IL2RA: variants seen among roughly 807,000 people sequenced by gnomAD.
IL2RA encodes interleukin 2 receptor subunit alpha, also known as interleukin-2 receptor subunit alpha.
IL2RA carries 24 observed loss-of-function variants against 37.8 expected under a neutral mutation model. The observed-to-expected ratio is 0.63, with a 90% confidence interval of 0.46 to 0.89. The LOEUF (loss-of-function observed/expected upper bound fraction) is 0.89, where lower values mean the gene tolerates loss of function less well. IL2RA is among the 40% of genes least tolerant of loss of function. IL2RA has a pLI of 0.00. For synonymous variants in IL2RA, 125 were observed against 114.6 expected, an observed-to-expected ratio of 1.09 and a Z score of -0.58; for missense variants, 319 against 348.6, an observed-to-expected ratio of 0.92 and a Z score of 0.68.
chr10:6,026,962 G>C (rs1839494052), intron 1 of IL2RA, among the ~76,000 whole-genome samples: 1 of 152,120 alleles, frequency 6.6e-6, no homozygotes. Context: ...ACTCTGCCCA[G>C]CACCTTGTCC....
chr10:6,050,362 C>T (rs566020940), intron 1 of IL2RA, among the ~76,000 whole-genome samples: 43 of 152,210 alleles, frequency 2.8e-4, no homozygotes, highest in Non-Finnish European at 5.6e-4. Flanking sequence ...GGTGGCAGGG[C>T]GTGGTGGCTC....
At position 6,046,919 on chromosome 10, in the gene IL2RA, C is replaced by G. The variant is rs950357618; in HGVS notation, c.64+15169G>C. Among the ~76,000 whole-genome samples the G allele has an allele frequency of 1.6e-4, 25 of 152,188 alleles. No homozygotes were observed. The highest frequency in any genetic ancestry group is 5.3e-4 in the African/African-American group (22 of 41,450). ...GCCACGTTTCCTAAGGACATGGGAA[C>G]TTAAGATGCAGGCAGGGATCCCATG... On this transcript the variant is annotated intron_variant, in intron 1 of 7. Coordinates refer to ENST00000379959, the MANE Select transcript of IL2RA (RefSeq NM_000417.3). This position sits in a 1 kb window ranked among gnomAD's most constrained non-coding sequence, Gnocchi z 4.8.
At chr10:6,059,543 T>G (rs1043650425) in intron 1 of IL2RA, among the ~76,000 whole-genome samples, 1 of 152,226 alleles carries the variant, frequency 6.6e-6, no homozygotes, top group African/African-American at 2.4e-5. Context: ...AGAATTCTCT[T>G]TCTGACCACA....
At position 6,062,347 on chromosome 10, in the gene IL2RA, G is replaced by A. The variant is rs2132912463; in HGVS notation, c.-196C>T. On this transcript the variant is annotated 5_prime_UTR_variant, in exon 1 of 8. Coordinates refer to ENST00000379959, the MANE Select transcript of IL2RA (RefSeq NM_000417.3). ...AGTTGCTCTCTTTAAGTATTGGGCT[G>A]GCGTGTTCAGCCAGGAAACTGCCTA... 1 of 531,798 alleles carries A rather than the reference G, an allele frequency of 1.9e-6. No individual in the cohort carries two copies. Among genetic ancestry groups the A allele is most frequent in the South Asian group, 2.4e-5 (1 of 42,090 alleles). The allele number at this position is 531,798 out of a possible 1,614,324, so 32.9% of individuals were successfully genotyped here.
chr10:6,059,123 C>A (rs892389856), intron 1 of IL2RA, among the ~76,000 whole-genome samples: 1 of 152,182 alleles, frequency 6.6e-6, no homozygotes, highest in African/African-American at 2.4e-5. Context: ...CCTAGAAATT[C>A]CTGTTGATTC....
Position 6,012,896 on chromosome 10 carries a change from C to A in IL2RA, c.795G>T (p.Gln265His). Residue 265 changes from glutamine to histidine, a missense_variant and splice_region_variant, in exon 8 of 8, where the codon CAG becomes CAT. Physicochemically the swap from Gln to His is conservative, Grantham distance 24. Coordinates refer to ENST00000379959, the MANE Select transcript of IL2RA (RefSeq NM_000417.3). This position sits in a 1 kb window ranked among gnomAD's most constrained non-coding sequence, Gnocchi z 4.8. ...LLSGLTWQRR[Q>H]RKSRRTI is the part of the protein sequence containing the mutation. The stretch of plus-strand genomic sequence containing the variant: ...TCTAGATTGTTCTTCTACTCTTCCT[C>A]CTGTAGTGGTGTAACAAAGTCACGG... The A allele has an allele frequency of 6.2e-7, 1 of 1,614,104 alleles. No homozygotes were observed. The highest frequency in any genetic ancestry group is 8.5e-7 in the Non-Finnish European group (1 of 1,179,938).
chr10:6,031,498 ATATATATATATATGTATATATATG>A (rs1564546017), intron 1 of IL2RA, among the ~76,000 whole-genome samples: 10 of 73,536 alleles, frequency 1.4e-4, no homozygotes, highest in African/African-American at 3.7e-4. Context: ...ATATATGTAT[ATATATATATATATGTATATATATG>A]TATATATATA....
intron 1 of IL2RA, among the ~76,000 whole-genome samples, chr10:6,053,656 A>T (rs1839997060): frequency 6.6e-6 from 1 of 152,178 alleles, no homozygotes; most frequent in Non-Finnish European, 1.5e-5. Flanking sequence ...CTTATTTAAA[A>T]TTAATTATCA....
intron 1 of IL2RA, among the ~76,000 whole-genome samples, chr10:6,037,782 C>T (rs552619156): frequency 1.3e-5 from 2 of 152,192 alleles, no homozygotes; most frequent in African/African-American, 4.8e-5. Flanking sequence ...CCTCCCAGAC[C>T]CCTAGCCAAA....
rs1839456733 is a variant in IL2RA at position 6,025,006 on chromosome 10, G to A, written c.257-652C>T. Reference sequence around the variant, plus strand: ...CCAGCACATTGGGAGGCTGAGGCAGGAGGACTGCTTGAGCCCAGGAGTTTA... The same window carrying A: ...CCAGCACATTGGGAGGCTGAGGCAGAAGGACTGCTTGAGCCCAGGAGTTTA... On this transcript the variant is annotated intron_variant, in intron 2 of 7. Coordinates refer to ENST00000379959, the MANE Select transcript of IL2RA (RefSeq NM_000417.3). This position sits in a 1 kb window ranked among gnomAD's most constrained non-coding sequence, Gnocchi z 4.4. 6.6e-6 allele frequency among the ~76,000 whole-genome samples: 1 copy of A among 152,250 alleles called. No homozygotes were observed. Among genetic ancestry groups the A allele is most frequent in the Non-Finnish European group, 1.5e-5 (1 of 68,040 alleles).
chr10:6,022,005 C>T lies in IL2RA; in HGVS notation c.368-312G>A, dbSNP rs1167194870. On this transcript the variant is annotated intron_variant, in intron 3 of 7. Transcript: ENST00000379959. The surrounding 1 kb of genome is among the most constrained non-coding windows in gnomAD (Gnocchi z 4.7). ...CGATTCATTCTGGTTGGTGCGGCCCCGAGACAGGAACGCCACAACTGCCTC... is the reference window on the plus strand; with the variant it reads ...CGATTCATTCTGGTTGGTGCGGCCCTGAGACAGGAACGCCACAACTGCCTC... Among the ~76,000 whole-genome samples, 4 of 152,026 alleles carry T rather than the reference C, an allele frequency of 2.6e-5. No homozygotes were observed. The highest frequency in any genetic ancestry group is 6.5e-5 in the Admixed American group (1 of 15,274).
rs544359938 is a variant in IL2RA, at chr10:6,029,533, T to C, written c.65-3508A>G. ...CATTTATTTACATTTTGTCTATGGCTGCTTTTCTGCTATAATGGCAGAGTT... is the reference window on the plus strand; with the variant it reads ...CATTTATTTACATTTTGTCTATGGCCGCTTTTCTGCTATAATGGCAGAGTT... On this transcript the variant is annotated intron_variant, in intron 1 of 7. Transcript: ENST00000379959. This position sits in a 1 kb window ranked among gnomAD's most constrained non-coding sequence, Gnocchi z 4.6. 6.6e-6 allele frequency among the ~76,000 whole-genome samples: 1 copy of C among 152,298 alleles called. No individual in the cohort carries two copies. The highest frequency in any genetic ancestry group is 2.4e-5 in the African/African-American group (1 of 41,554).
At chr10:6,041,671 C>T (rs1340426447) in intron 1 of IL2RA, among the ~76,000 whole-genome samples, 1 of 152,082 alleles carries the variant, frequency 6.6e-6, no homozygotes, top group African/African-American at 2.4e-5. Flanking sequence ...GAAAAATTTC[C>T]CCCAAAGTCC....
At chr10:6,051,845 A>AT (rs1224861012) in intron 1 of IL2RA, among the ~76,000 whole-genome samples, 87 of 111,604 alleles carry the variant, frequency 7.8e-4, no homozygotes, top group Non-Finnish European at 1.1e-3. Flanking sequence ...ATATATATAG[A>AT]ATTTTTTAAG....
rs1176014042 is a variant in IL2RA at position 6,014,546 on chromosome 10, C to T, written c.795-1650G>A. Among the ~76,000 whole-genome samples the T allele has an allele frequency of 6.6e-6, 1 of 152,152 alleles. No homozygotes were observed. Among genetic ancestry groups the T allele is most frequent in the Non-Finnish European group, 1.5e-5 (1 of 68,030 alleles). On this transcript the variant is annotated intron_variant, in intron 7 of 7. Transcript: ENST00000379959. This position sits in a 1 kb window ranked among gnomAD's most constrained non-coding sequence, Gnocchi z 4.4. ...CTTCCAAATAGCTTTGTCCTCTGGG[C>T]CCGAAGGCTTTTGATCTTCAAACTA...
intron 2 of IL2RA, 115 bp from the exon 3 acceptor site, chr10:6,024,469 G>C: frequency 1.3e-6 from 1 of 776,144 alleles, no homozygotes; most frequent in Non-Finnish European, 2.2e-6. Flanking sequence ...GATGTGTCTG[G>C]TGGTGTCTGG....
Position 6,035,512 on chromosome 10 carries a change from C to T in IL2RA, c.65-9487G>A, listed in dbSNP as rs952994553. On this transcript the variant is annotated intron_variant, in intron 1 of 7. Coordinates refer to ENST00000379959, the MANE Select transcript of IL2RA (RefSeq NM_000417.3). This position sits in a 1 kb window ranked among gnomAD's most constrained non-coding sequence, Gnocchi z 5.4. ...CCTGAGTGGTGGGCCGCACATGAGG[C>T]TCTGAGCAGGCTATATCTCTATTCT... Among the ~76,000 whole-genome samples the T allele has an allele frequency of 6.6e-6, 1 of 152,166 alleles. No homozygotes were observed. Among genetic ancestry groups the T allele is most frequent in the African/African-American group, 2.4e-5 (1 of 41,444 alleles).
chr10:6,020,035 C>A lies in IL2RA; in HGVS notation c.584-94G>T. 1 of 1,051,716 alleles carries A rather than the reference C, an allele frequency of 9.5e-7. No individual in the cohort carries two copies. The highest frequency in any genetic ancestry group is 1.3e-5 in the South Asian group (1 of 78,910). 65.1% of individuals were successfully genotyped at this position (1,051,716 alleles called of 1,614,324 possible). On this transcript the variant is annotated intron_variant, in intron 4 of 7. Transcript: ENST00000379959. This position sits in a 1 kb window ranked among gnomAD's most constrained non-coding sequence, Gnocchi z 5.6. ...TGCCCCAGGCAGCCGGCCCCAGACA[C>A]GCCCGAGGAGGCAGGAATCCTGGTG...
rs759710102 is a variant in IL2RA, at chr10:6,024,121, C to T, written c.367+123G>A. 745 of 724,990 alleles carry T rather than the reference C, an allele frequency of 1.0e-3. 1 individual carries two copies. Among genetic ancestry groups the T allele is most frequent in the Non-Finnish European group, 1.6e-3 (624 of 394,320 alleles). The allele number at this position is 724,990 out of a possible 1,614,324, so 44.9% of individuals were successfully genotyped here. On this transcript the variant is annotated intron_variant, in intron 3 of 7. Transcript: ENST00000379959. Reference sequence around the variant, plus strand: ...TGTCTGCAATGATGTCTTGGGAGGACGGAGCCACATGCATGTGTTTATAGA... The same window carrying T: ...TGTCTGCAATGATGTCTTGGGAGGATGGAGCCACATGCATGTGTTTATAGA...
Sources: allele counts gnomAD v4.1 joint callset (sites outside exome capture counted in the v4.1 genomes callset), GRCh38; gene constraint gnomAD v4.1.1; non-coding constraint Gnocchi (gnomAD v3.1); transcripts MANE v1.5; gene names NCBI Gene and HGNC (gene_info 2026-07-23, HGNC 2026-07-21).